The following FLOT1 variants were observed in gnomAD, a reference collection of about 807,000 sequenced individuals.
FLOT1 encodes the protein flotillin 1.
FLOT1 carries 40 observed loss-of-function variants against 58.4 expected under a neutral mutation model. The observed-to-expected ratio is 0.69, with a 90% confidence interval of 0.53 to 0.89. The LOEUF (loss-of-function observed/expected upper bound fraction) is 0.89, where lower values mean the gene tolerates loss of function less well. Among genes scored for constraint, FLOT1 ranks in the 40% least tolerant of loss-of-function variants. FLOT1 has a pLI of 0.00. For missense variants in FLOT1, 423 were observed against 540.8 expected, an observed-to-expected ratio of 0.78 and a Z score of 2.16; for synonymous variants, 178 against 204.2, an observed-to-expected ratio of 0.87 and a Z score of 1.09.
rs1286693845 is a variant in FLOT1 at position 30,740,791 on chromosome 6, T to C, written c.362A>G (p.Tyr121Cys). Residue 121 changes from tyrosine (Y) to cysteine (C), a missense_variant, in exon 6 of 13, where the codon TAT becomes TGT. This residue lies in a region of FLOT1 where 137 missense variants were observed against 194.6 expected (regional missense o/e 0.70). Transcript: ENST00000376389. ...TTCTGAGAATTTCTGCCTGTCCTTA[T>C]AGATCTCCTGTGATAACAGGATGGT... ...IMAHMTVEEI[Y>C]KDRQKFSEQV... 5 of 1,612,156 alleles carry C rather than the reference T, an allele frequency of 3.1e-6. No individual in the cohort carries two copies. In the East Asian group the frequency reaches 1.1e-4, roughly 36 times the overall value.
rs1802471 is a variant in FLOT1, at chr6:30,730,043, G to A, written c.1233C>T (p.Leu411=). The change falls in exon 12 of 13, where the codon CTC becomes CTT. Residue 411 remains leucine, a synonymous_variant. Coordinates refer to ENST00000376389, the MANE Select transcript of FLOT1 (RefSeq NM_005803.4). ...TCACCTGGGAGATGCTCACGCCTGTGAGTCTTTCCACACTCTCTGGCAGGC... is the reference window on the plus strand; with the variant it reads ...TCACCTGGGAGATGCTCACGCCTGTAAGTCTTTCCACACTCTCTGGCAGGC... ...LTRLPESVER[L]TGVSISQVNH... is the part of the protein sequence containing the mutation. 4 of 1,613,036 alleles carry A rather than the reference G, an allele frequency of 2.5e-6. No homozygotes were observed. In the South Asian group the frequency reaches 3.3e-5, roughly 13 times the overall value.
At chr6:30,734,026 C>T (rs1581700656) in intron 8 of FLOT1, among the ~76,000 whole-genome samples, 1 of 92,846 alleles carries the variant, frequency 1.1e-5, no homozygotes, top group East Asian at 3.5e-4. Context: ...TATTGGACAA[C>T]AGAGCAAGAC....
Position 30,730,327 on chromosome 6 carries a change from G to C in FLOT1, c.1089+101C>G. ...ACTAATAATTCCCACCCCTAATTTA[G>C]AGTCCCCCTAGGCTGTTTCTCCCTA... On this transcript the variant is annotated intron_variant, in intron 11 of 12. Coordinates refer to ENST00000376389, the MANE Select transcript of FLOT1 (RefSeq NM_005803.4). 3 of 1,486,086 alleles carry C rather than the reference G, an allele frequency of 2.0e-6. No individual in the cohort carries two copies. In the South Asian group the frequency reaches 3.8e-5, roughly 19 times the overall value. The allele number at this position is 1,486,086 out of a possible 1,614,324, so 92.1% of individuals were successfully genotyped here. A position where few individuals can be genotyped will look rare whatever the true frequency, so the allele number is the denominator to read the frequency against.
rs760857602 is a variant in FLOT1 at position 30,742,129 on chromosome 6, G to A, written c.43+18C>T. 1.2e-6 allele frequency: 2 copies of A among 1,612,022 alleles called. No individual in the cohort carries two copies. Among genetic ancestry groups the A allele is most frequent in the Non-Finnish European group, 1.7e-6 (2 of 1,179,486 alleles). ...GGGTTCTGGGGTCACTGGCTGGGAA[G>A]GGAACAACAGTACTTACCGGAGACC... On this transcript the variant is annotated intron_variant, in intron 2 of 12. Coordinates refer to ENST00000376389, the MANE Select transcript of FLOT1 (RefSeq NM_005803.4). This position sits in a 1 kb window ranked among gnomAD's most constrained non-coding sequence, Gnocchi z 5.2.
intron 12 of FLOT1, among the ~76,000 whole-genome samples, chr6:30,728,476 C>CT (rs1174440649): frequency 3.7e-3 from 518 of 138,630 alleles, no homozygotes; most frequent in African/African-American, 0.01. Context: ...TTTTTTTTTT[C>CT]TTTTTTTTTT....
In FLOT1 at chr6:30,742,034, T is replaced by C; in HGVS notation, c.43+113A>G. On this transcript the variant is annotated intron_variant, in intron 2 of 12. Coordinates refer to ENST00000376389, the MANE Select transcript of FLOT1 (RefSeq NM_005803.4). The surrounding 1 kb of genome is among the most constrained non-coding windows in gnomAD (Gnocchi z 5.2). ...AATCAAACTGGGCAGTTCGTGGCCATCAAGGGGCAGAAGTCTGGTGCTGGG... is the reference window on the plus strand; with the variant it reads ...AATCAAACTGGGCAGTTCGTGGCCACCAAGGGGCAGAAGTCTGGTGCTGGG... The C allele has an allele frequency of 3.9e-6, 5 of 1,273,056 alleles. No individual in the cohort carries two copies. Among genetic ancestry groups the C allele is most frequent in the Non-Finnish European group, 5.7e-6 (5 of 883,168 alleles). The allele number at this position is 1,273,056 out of a possible 1,614,324, so 78.9% of individuals were successfully genotyped here.
At chr6:30,739,430 C>A (rs926107455) in intron 8 of FLOT1, among the ~76,000 whole-genome samples, 1 of 146,710 alleles carries the variant, frequency 6.8e-6, no homozygotes, top group Non-Finnish European at 1.5e-5. Flanking sequence ...AGTGCAATGG[C>A]GTGGTCTCAG....
chr6:30,741,758 G>C lies in FLOT1; in HGVS notation c.119+34C>G, dbSNP rs1778002800. On this transcript the variant is annotated intron_variant, in intron 3 of 12. Coordinates refer to ENST00000376389, the MANE Select transcript of FLOT1 (RefSeq NM_005803.4). The surrounding 1 kb of genome is among the most constrained non-coding windows in gnomAD (Gnocchi z 5.9). ...AGAAGAGGAGGAAAAAGAGAAAACG[G>C]AGGTCCCCCTTCCCTGGTTCCCTTC... is the stretch of plus-strand genomic sequence containing the variant. 1 of 1,611,168 alleles carries C rather than the reference G, an allele frequency of 6.2e-7. No homozygotes were observed. Among genetic ancestry groups the C allele is most frequent in the Non-Finnish European group, 8.5e-7 (1 of 1,178,310 alleles).
intron 8 of FLOT1, among the ~76,000 whole-genome samples, chr6:30,735,515 G>A (rs904895357): frequency 2.0e-5 from 3 of 151,692 alleles, no homozygotes; most frequent in Non-Finnish European, 4.4e-5. Context: ...CCCAGTTGAG[G>A]ATTACTTGGG....
intron 9 of FLOT1, 60 bp downstream of exon 9, chr6:30,730,859 T>C (rs1448300653): frequency 6.3e-7 from 1 of 1,595,434 alleles, no homozygotes; most frequent in African/African-American, 1.3e-5. Context: ...GCTTCAGCAC[T>C]CCATCTTGGG....
At position 30,742,142 on chromosome 6, in the gene FLOT1, C is replaced by G. The variant is rs755207518; in HGVS notation, c.43+5G>C. On this transcript the variant is annotated splice_donor_5th_base_variant and intron_variant, in intron 2 of 12. Transcript: ENST00000376389. The surrounding 1 kb of genome is among the most constrained non-coding windows in gnomAD (Gnocchi z 5.2). ...ACTGGCTGGGAAGGGAACAACAGTA[C>G]TTACCGGAGACCACCATGGCCTCAT... 6.2e-7 allele frequency: 1 copy of G among 1,612,656 alleles called. No individual in the cohort carries two copies. The highest frequency in any genetic ancestry group is 8.5e-7 in the Non-Finnish European group (1 of 1,179,918).
intron 8 of FLOT1, among the ~76,000 whole-genome samples, chr6:30,739,852 C>T (rs114027486): frequency 1.7e-4 from 26 of 152,100 alleles, no homozygotes; most frequent in African/African-American, 5.5e-4. Flanking sequence ...CGCATAGACA[C>T]GGTTTCACCA....
At chr6:30,731,187 A>C in intron 8 of FLOT1, 87 bp from the exon 9 acceptor site, 1 of 1,377,266 alleles carries the variant, frequency 7.3e-7, no homozygotes. Context: ...AGTGGGATAT[A>C]AAAATAGGAG....
Position 30,741,680 on chromosome 6 carries a change from G to C in FLOT1, c.144C>G (p.Leu48=). Residue 48 remains leucine (L), a synonymous_variant, in exon 4 of 13, where the codon CTC becomes CTG. Coordinates refer to ENST00000376389, the MANE Select transcript of FLOT1 (RefSeq NM_005803.4). The surrounding 1 kb of genome is among the most constrained non-coding windows in gnomAD (Gnocchi z 5.9). ...TGTAAACCTTTTCACTCTTGACATT[G>C]AGGGTCAGTGTGTTGAGAGAGATCC... ...IQRISLNTLT[L]NVKSEKVYTR... 1.2e-6 allele frequency: 2 copies of C among 1,612,830 alleles called. No individual in the cohort carries two copies. The highest frequency in any genetic ancestry group is 1.7e-6 in the Non-Finnish European group (2 of 1,179,876).
chr6:30,731,932 G>C (rs904775391), intron 8 of FLOT1, among the ~76,000 whole-genome samples: 1 of 151,988 alleles, frequency 6.6e-6, no homozygotes, highest in Non-Finnish European at 1.5e-5. Flanking sequence ...ACATCTACAA[G>C]AATGTGTGTA....
chr6:30,737,619 A>G lies in FLOT1; in HGVS notation c.723+2539T>C, dbSNP rs1490858621. ...GAATATTCTTGGCTCAGAACTGTAC[A>G]TTGTTCCTTCTTATCTCCAAGTCTG... On this transcript the variant is annotated intron_variant, in intron 8 of 12. Transcript: ENST00000376389. This position sits in a 1 kb window ranked among gnomAD's most constrained non-coding sequence, Gnocchi z 4.4. 6.6e-6 allele frequency among the ~76,000 whole-genome samples: 1 copy of G among 152,064 alleles called. No homozygotes were observed. Among genetic ancestry groups the G allele is most frequent in the Non-Finnish European group, 1.5e-5 (1 of 68,012 alleles).
chr6:30,732,662 C>G (rs563081211), intron 8 of FLOT1, among the ~76,000 whole-genome samples: 5 of 152,188 alleles, frequency 3.3e-5, no homozygotes, highest in African/African-American at 1.2e-4. Context: ...AGAACACATG[C>G]CTTCGTTGTC....
At chr6:30,730,279 G>A (rs1208505284) in intron 11 of FLOT1, 93 bp from the exon 12 acceptor site, 25 of 1,520,026 alleles carry the variant, frequency 1.6e-5, no homozygotes, top group Non-Finnish European at 2.3e-5. Context: ...TCGTTCCACT[G>A]ATCATCCTTC....
chr6:30,733,101 T>C (rs1777315010), intron 8 of FLOT1, among the ~76,000 whole-genome samples: 1 of 152,154 alleles, frequency 6.6e-6, no homozygotes, highest in Non-Finnish European at 1.5e-5. Context: ...AGTGACGCAG[T>C]CTTGGCTCAC....
Sources: gnomAD v4.1 joint callset for allele counts (sites outside exome capture counted in the v4.1 genomes callset) on GRCh38, gnomAD v4.1.1 for gene constraint, gnomAD v4.1.1 regional missense constraint, Gnocchi (gnomAD v3.1) non-coding constraint, MANE v1.5 for transcripts, NCBI Gene and HGNC (gene_info 2026-07-23, HGNC 2026-07-21) for gene names.